Variants in FMN2 observed in about 807,000 individuals in gnomAD.
FMN2 encodes formin-2.
A neutral mutation model predicts 142.3 loss-of-function variants in FMN2; 51 were observed. The observed-to-expected ratio is 0.36, with a 90% CI of 0.29 to 0.45. FMN2 has a LOEUF of 0.45. FMN2 is among the 20% of genes least tolerant of loss of function. The pLI, the probability that FMN2 is intolerant of heterozygous loss-of-function variation, is 1.00. For synonymous variants in FMN2, 882 were observed against 869.8 expected, an observed-to-expected ratio of 1.01 and a Z score of -0.25; for missense variants, 1,936 against 2,122.8, an observed-to-expected ratio of 0.91 and a Z score of 1.73.
intron 8 of FMN2, among the ~76,000 whole-genome samples, chr1:240,310,680 T>A (rs1235447204): frequency 6.6e-6 from 1 of 152,242 alleles, no homozygotes; most frequent in Admixed American, 6.5e-5. Flanking sequence ...GTTGGTTAAC[T>A]ATATCTATTG....
intron 4 of FMN2, among the ~76,000 whole-genome samples, chr1:240,202,968 A>C (rs1666185523): frequency 6.6e-6 from 1 of 152,212 alleles, no homozygotes; most frequent in Admixed American, 6.5e-5. Context: ...TAGTTCATGA[A>C]AAAAGAAAAC....
intron 3 of FMN2, among the ~76,000 whole-genome samples, chr1:240,181,148 G>A (rs1017554323): frequency 3.4e-4 from 52 of 151,932 alleles, no homozygotes; most frequent in African/African-American, 1.3e-3. Context: ...GGGATTACAG[G>A]CACCCACCAT....
intron 2 of FMN2, among the ~76,000 whole-genome samples, chr1:240,127,882 G>C (rs1662577243): frequency 6.6e-6 from 1 of 152,206 alleles, no homozygotes; most frequent in Non-Finnish European, 1.5e-5. Flanking sequence ...GTGGCTGTAG[G>C]TTGGGGCAGG....
At chr1:240,397,413 C>G (rs1256628955) in intron 15 of FMN2, among the ~76,000 whole-genome samples, 2 of 152,086 alleles carry the variant, frequency 1.3e-5, no homozygotes, top group Non-Finnish European at 2.9e-5. Context: ...AGGTCTTCAA[C>G]TGATTGGAGG....
chr1:240,211,617 C>T (rs944861738), intron 6 of FMN2, among the ~76,000 whole-genome samples: 1 of 151,956 alleles, frequency 6.6e-6, no homozygotes, highest in Admixed American at 6.6e-5. Context: ...AAATCCAATC[C>T]TTAGTAACTG....
At chr1:240,306,838 G>A (rs1670425652) in intron 8 of FMN2, among the ~76,000 whole-genome samples, 2 of 152,218 alleles carry the variant, frequency 1.3e-5, no homozygotes, top group Admixed American at 6.5e-5. Context: ...GCTGTCCACA[G>A]TGGCTGGACT....
intron 5 of FMN2, among the ~76,000 whole-genome samples, chr1:240,210,834 C>T (rs1666662409): frequency 6.6e-6 from 1 of 152,088 alleles, no homozygotes; most frequent in African/African-American, 2.4e-5. Context: ...TATACAGTGG[C>T]CTGATGACTG....
chr1:240,167,191 T>C (rs1664515981), intron 2 of FMN2, among the ~76,000 whole-genome samples: 1 of 152,224 alleles, frequency 6.6e-6, no homozygotes, highest in African/African-American at 2.4e-5. Context: ...TGATATTAAA[T>C]TTTTCTGTAG....
At chr1:240,361,319 A>G (rs1572230622) in intron 14 of FMN2, among the ~76,000 whole-genome samples, 1 of 151,980 alleles carries the variant, frequency 6.6e-6, no homozygotes, top group East Asian at 1.9e-4. Flanking sequence ...GGCTTCATCC[A>G]GAAGTCTTGG....
Position 240,206,965 on chromosome 1 carries a change from C to G in FMN2, c.2153C>G (p.Ser718Ter). 1 of 1,614,154 alleles carries G rather than the reference C, an allele frequency of 6.2e-7. No homozygotes were observed. Among genetic ancestry groups the G allele is most frequent in the Non-Finnish European group, 8.5e-7 (1 of 1,180,012 alleles). Residue 718 changes from serine (S) to a stop codon, truncating the protein, a stop_gained, in exon 5 of 18, where the codon TCA becomes TGA. Coordinates refer to ENST00000319653, the MANE Select transcript of FMN2 (RefSeq NM_020066.5). LOFTEE classifies it high-confidence loss of function. ...GGGCTTGAGAATGGAGTGACAGCCT[C>G]AGGCGATGTCTGTCTCGAAGCTCTC... ...HQGLENGVTA[S>*]GDVCLEALRL...
chr1:240,232,165 G>A (rs1667548087), intron 6 of FMN2, among the ~76,000 whole-genome samples: 1 of 151,612 alleles, frequency 6.6e-6, no homozygotes, highest in South Asian at 2.1e-4. Context: ...CGCCTCCTGG[G>A]TTCAAGGGAT....
rs771738277 is a variant in FMN2 at position 240,355,922 on chromosome 1, A to C, written c.4858+14A>C. 1.0e-6 allele frequency: 1 copy of C among 978,632 alleles called. No individual in the cohort carries two copies. Among genetic ancestry groups the C allele is most frequent in the South Asian group, 1.4e-5 (1 of 72,602 alleles). 60.6% of individuals were successfully genotyped at this position (978,632 alleles called of 1,614,324 possible). A position where few individuals can be genotyped will look rare whatever the true frequency, so the allele number is the denominator to read the frequency against. On this transcript the variant is annotated intron_variant, in intron 14 of 17. Coordinates refer to ENST00000319653, the MANE Select transcript of FMN2 (RefSeq NM_020066.5). ...TTATTATTCAAGGTAAATTCCAAAG[A>C]GATGTGTTATGTTTTTCTCCCCTTT...
At chr1:240,444,435 A>T (rs986082537) in intron 16 of FMN2, among the ~76,000 whole-genome samples, 1 of 152,234 alleles carries the variant, frequency 6.6e-6, no homozygotes. Context: ...CATAGTGTGT[A>T]TTGTGGCCTA....
At chr1:240,427,893 G>A in intron 15 of FMN2, among the ~76,000 whole-genome samples, 1 of 152,102 alleles carries the variant, frequency 6.6e-6, no homozygotes, top group South Asian at 2.1e-4. Flanking sequence ...CAGCCTTTGG[G>A]AATCAGTGTC....
chr1:240,221,629 A>G (rs6669806), intron 6 of FMN2, among the ~76,000 whole-genome samples: 46,532 of 151,786 alleles, frequency 0.31, 7,798 homozygotes, highest in African/African-American at 0.45. Context: ...GATTCTGGAT[A>G]TTAGCCCTTT....
chr1:240,439,150 G>A (rs1675510345), intron 16 of FMN2, among the ~76,000 whole-genome samples: 1 of 151,802 alleles, frequency 6.6e-6, no homozygotes, highest in Non-Finnish European at 1.5e-5. Context: ...GTGGGCACCT[G>A]TAATCCCAGC....
intron 2 of FMN2, chr1:240,170,908 A>G: frequency 1.3e-6 from 1 of 796,084 alleles, no homozygotes; most frequent in African/African-American, 1.7e-5. Context: ...TCAGGATTTT[A>G]GTCAACCCAT....
chr1:240,337,444 C>T (rs1028975438), intron 13 of FMN2, among the ~76,000 whole-genome samples: 3 of 152,054 alleles, frequency 2.0e-5, no homozygotes, highest in Non-Finnish European at 4.4e-5. Context: ...TCTCGAACTC[C>T]TGACAAAAAT....
At chr1:240,238,256 G>A (rs1047178165) in intron 6 of FMN2, among the ~76,000 whole-genome samples, 3 of 152,188 alleles carry the variant, frequency 2.0e-5, no homozygotes, top group Admixed American at 2.0e-4. Flanking sequence ...GGAACATTTA[G>A]GAGTTAGAAT....
Sources: gnomAD v4.1 joint callset for allele counts (sites outside exome capture counted in the v4.1 genomes callset) on GRCh38, gnomAD v4.1.1 for gene constraint, MANE v1.5 for transcripts, NCBI Gene and HGNC (gene_info 2026-07-23, HGNC 2026-07-21) for gene names.